Variants in CACTIN observed in about 807,000 individuals in gnomAD.
CACTIN encodes splicing factor Cactin.
Under a neutral mutation model 84.9 loss-of-function variants are expected in CACTIN, and 20 were observed. The ratio of observed to expected loss-of-function variants is 0.24; its 90% CI spans 0.17 to 0.34. The LOEUF (loss-of-function observed/expected upper bound fraction) is 0.34, where lower values mean the gene tolerates loss of function less well. Ranked by LOEUF, CACTIN falls within the 10% of genes least tolerant of loss-of-function variation. The pLI is 1.00. For missense variants in CACTIN, 897 were observed against 1,117.2 expected (o/e 0.80, Z 2.81); for synonymous variants, 549 against 467.9 (o/e 1.17, Z -2.24).
intron 6 of CACTIN, chr19:3,614,852 G>T (rs2074792): frequency 0.51 from 275,075 of 536,914 alleles, 73,814 homozygotes; most frequent in Admixed American, 0.58. Flanking sequence ...CCCCAGCGTG[G>T]GGGAGGCCAG....
intron 2 of CACTIN, among the ~76,000 whole-genome samples, chr19:3,621,935 C>T (rs1389995633): frequency 1.3e-5 from 2 of 152,152 alleles, no homozygotes; most frequent in Non-Finnish European, 2.9e-5. Context: ...GCGCAACCGG[C>T]GAGCAGGTGC....
Position 3,611,801 on chromosome 19 carries a change from C to G in CACTIN, c.*122G>C. The G allele has an allele frequency of 8.0e-7, 1 of 1,244,944 alleles. No homozygotes were observed. The highest frequency in any genetic ancestry group is 1.1e-6 in the Non-Finnish European group (1 of 880,274). The allele number at this position is 1,244,944 out of a possible 1,614,324, so 77.1% of individuals were successfully genotyped here. ...AGGCCTGGCGAAAGAAAGATGCGGC[C>G]TGAGGTGGGACGTGAACCCGCGGCC... is the stretch of plus-strand genomic sequence containing the variant. On this transcript the variant is annotated 3_prime_UTR_variant, in exon 10 of 10. Coordinates refer to ENST00000429344, the MANE Select transcript of CACTIN (RefSeq NM_001080543.2).
At chr19:3,613,915 G>A in intron 7 of CACTIN, 1 of 453,450 alleles carries the variant, frequency 2.2e-6, no homozygotes. Context: ...GATAAATTTA[G>A]AGACATTTAC....
intron 2 of CACTIN, among the ~76,000 whole-genome samples, chr19:3,622,761 G>A (rs991218412): frequency 6.6e-6 from 1 of 152,250 alleles, no homozygotes; most frequent in African/African-American, 2.4e-5. Flanking sequence ...GTGACTGGTG[G>A]CTAAATGGCA....
At chr19:3,612,934 G>C in intron 9 of CACTIN, 124 bp downstream of exon 9, 1 of 1,186,242 alleles carries the variant, frequency 8.4e-7, no homozygotes, top group Non-Finnish European at 1.2e-6. Context: ...CAGAGACCCG[G>C]GGGAGAAGCA....
chr19:3,620,045 G>T, intron 4 of CACTIN, 82 bp downstream of exon 4: 1 of 1,519,872 alleles, frequency 6.6e-7, no homozygotes, highest in South Asian at 1.2e-5. Flanking sequence ...AAGGGTGGGA[G>T]AGCAGTGGCT....
At chr19:3,612,435 CCCGGGCCTCGGCCTCCCCCTGGGT>C (rs1426753909) in intron 9 of CACTIN, 22 bp from the exon 10 acceptor site, 1 of 1,557,468 alleles carries the variant, frequency 6.4e-7, no homozygotes, top group Non-Finnish European at 8.6e-7. Context: ...ACGGCGTTCA[CCCGGGCCTCGGCCTCCCCCTGGGT>C]CCTGGCCTCC....
intron 1 of CACTIN, among the ~76,000 whole-genome samples, chr19:3,625,121 G>A (rs546024182): frequency 1.3e-5 from 2 of 152,170 alleles, no homozygotes; most frequent in African/African-American, 2.4e-5. Context: ...TGAACTCCTG[G>A]GCTCAGGCAA....
chr19:3,620,248 C>T lies in CACTIN; in HGVS notation c.763G>A (p.Glu255Lys). The T allele has an allele frequency of 6.3e-7, 1 of 1,579,870 alleles. No individual in the cohort carries two copies. Among genetic ancestry groups the T allele is most frequent in the Non-Finnish European group, 8.6e-7 (1 of 1,168,040 alleles). Reference sequence around the variant, plus strand: ...TGCTCGCGCATGGCCTTCTCCCGCTCCCGCTCCAGCCGCAGCTGCTTCACC... The same window carrying T: ...TGCTCGCGCATGGCCTTCTCCCGCTTCCGCTCCAGCCGCAGCTGCTTCACC... The part of the protein sequence containing the change: ...QKVKQLRLER[E>K]REKAMREQEL... The change falls in exon 4 of 10, where the codon GAG (glutamate) becomes AAG (lysine). Residue 255 changes from glutamate (E) to lysine (K), a missense_variant. By Grantham distance (56) the Glu-to-Lys change is moderately conservative (BLOSUM62 1). Around this residue, in one of 8 missense-constraint regions of CACTIN, gnomAD observed 304 missense variants for 444.3 expected, o/e 0.68. Coordinates refer to ENST00000429344, the MANE Select transcript of CACTIN (RefSeq NM_001080543.2).
Position 3,618,930 on chromosome 19 carries a change from G to T in CACTIN, c.1107C>A (p.Ile369=). The T allele has an allele frequency of 6.4e-7, 1 of 1,560,522 alleles. No homozygotes were observed. ...NADFWRDMTT[I]TEDEISKLRK... is the part of the protein sequence containing the mutation. ...GGAGCTTGGAGATCTCGTCCTCGGTGATGGTGGTCATGTCCCGCCAGAAGT... is the reference window on the plus strand; with the variant it reads ...GGAGCTTGGAGATCTCGTCCTCGGTTATGGTGGTCATGTCCCGCCAGAAGT... The change falls in exon 6 of 10, where the codon ATC becomes ATA. Residue 369 remains isoleucine (I), a synonymous_variant. Coordinates refer to ENST00000429344, the MANE Select transcript of CACTIN (RefSeq NM_001080543.2).
intron 7 of CACTIN, among the ~76,000 whole-genome samples, chr19:3,614,136 GCC>G (rs1158860715): frequency 6.6e-6 from 1 of 152,158 alleles, no homozygotes; most frequent in African/African-American, 2.4e-5. Context: ...CTCCTGGGGA[GCC>G]CTGTGAGACC....
At position 3,613,251 on chromosome 19, in the gene CACTIN, A is replaced by ACCGTCCCCGTCG; in HGVS notation, c.1581_1592dup (p.Asp528_Gly531dup). ...CCGCCTCGCCCTCGCCCTCGCCCTC[A>ACCGTCCCCGTCG]CCGTCCCCGTCGCCGTCGCCCTCTG... On this transcript the variant is annotated inframe_insertion, in exon 9 of 10. Transcript: ENST00000429344. 6.3e-7 allele frequency: 1 copy of ACCGTCCCCGTCG among 1,583,118 alleles called. No homozygotes were observed. The highest frequency in any genetic ancestry group is 2.2e-5 in the East Asian group (1 of 44,648).
In CACTIN at chr19:3,611,767, A is replaced by G. The variant is rs2369188; in HGVS notation, c.*156T>C. Reference sequence around the variant, plus strand: ...AATGGTGACCCCCCTTTTATATAGGAGGAAACTGAGGCCTGGCGAAAGAAA... The same window carrying G: ...AATGGTGACCCCCCTTTTATATAGGGGGAAACTGAGGCCTGGCGAAAGAAA... On this transcript the variant is annotated 3_prime_UTR_variant, in exon 10 of 10. Transcript: ENST00000429344. 0.63 allele frequency: 590,415 copies of G among 939,938 alleles called. 187,626 individuals are homozygous for G. Among genetic ancestry groups the G allele is most frequent in the African/African-American group, 0.8 (49,202 of 61,806 alleles). The allele number at this position is 939,938 out of a possible 1,614,324, so 58.2% of individuals were successfully genotyped here.
At chr19:3,620,377 G>A in intron 3 of CACTIN, 105 bp from the exon 4 acceptor site, 1 of 1,302,692 alleles carries the variant, frequency 7.7e-7, no homozygotes, top group Non-Finnish European at 1.1e-6. Context: ...GCTGCCCTGG[G>A]CACAGGGATT....
Position 3,613,242 on chromosome 19 carries a change from C to G in CACTIN, c.1602G>C (p.Glu534Asp). 6.2e-7 allele frequency: 1 copy of G among 1,610,734 alleles called. No homozygotes were observed. The highest frequency in any genetic ancestry group is 2.2e-5 in the East Asian group (1 of 44,832). The change falls in exon 9 of 10, where the codon GAG becomes GAC. Residue 534 changes from glutamate (E) to aspartate (D), a missense_variant. This residue lies in a region of CACTIN where 243 missense variants were observed against 239.9 expected (regional missense o/e 1.01). Coordinates refer to ENST00000429344, the MANE Select transcript of CACTIN (RefSeq NM_001080543.2). Reference protein sequence around the residue: ...EGDGDGDGEGEGEGEAVLMEE... With the variant: ...EGDGDGDGEGDGEGEAVLMEE... ...CCATGAGCACCGCCTCGCCCTCGCCCTCGCCCTCACCGTCCCCGTCGCCGT... is the reference window on the plus strand; with the variant it reads ...CCATGAGCACCGCCTCGCCCTCGCCGTCGCCCTCACCGTCCCCGTCGCCGT...
At position 3,613,353 on chromosome 19, in the gene CACTIN, C is replaced by G; in HGVS notation, c.1491G>C (p.Glu497Asp). The change falls in exon 9 of 10, where the codon GAG (glutamate) becomes GAC (aspartate). Residue 497 changes from glutamate to aspartate, a missense_variant. By Grantham distance (45) the Glu-to-Asp change is conservative. Transcript: ENST00000429344. ...PQSPSRSLEP[E>D]DAAPTPPGPS... ...GCCCGGGCGGGGTGGGCGCCGCGTCCTCAGGCTCCAGGCTGGGAGGAGAGA... is the reference window on the plus strand; with the variant it reads ...GCCCGGGCGGGGTGGGCGCCGCGTCGTCAGGCTCCAGGCTGGGAGGAGAGA... 1 of 1,512,722 alleles carries G rather than the reference C, an allele frequency of 6.6e-7. No homozygotes were observed. Among genetic ancestry groups the G allele is most frequent in the Non-Finnish European group, 8.8e-7 (1 of 1,136,168 alleles). 93.7% of individuals were successfully genotyped at this position (1,512,722 alleles called of 1,614,324 possible).
At chr19:3,619,048 AG>A in intron 5 of CACTIN, 31 bp downstream of exon 5, 1 of 1,549,408 alleles carries the variant, frequency 6.5e-7, no homozygotes, top group Non-Finnish European at 8.7e-7. Flanking sequence ...GTGAGGGTGC[AG>A]GTCAGAGGAG....
chr19:3,619,432 C>T (rs992529401), intron 4 of CACTIN, among the ~76,000 whole-genome samples, 190 bp from the exon 5 acceptor site: 18 of 152,262 alleles, frequency 1.2e-4, no homozygotes, highest in Non-Finnish European at 1.6e-4. Context: ...AGCCAAAGGG[C>T]GCAGGCCAGC....
chr19:3,613,280 G>C lies in CACTIN; in HGVS notation c.1564C>G (p.Pro522Ala). 1 of 1,604,712 alleles carries C rather than the reference G, an allele frequency of 6.2e-7. No homozygotes were observed. Among genetic ancestry groups the C allele is most frequent in the South Asian group, 1.1e-5 (1 of 90,898 alleles). Reference protein sequence around the residue: ...PAEAEVDGATPTEGDGDGDGE... With the variant: ...PAEAEVDGATATEGDGDGDGE... Reference sequence around the variant, plus strand: ...TCCCCGTCGCCGTCGCCCTCTGTCGGGGTCGCGCCGTCCACCTCGGCCTCC... The same window carrying C: ...TCCCCGTCGCCGTCGCCCTCTGTCGCGGTCGCGCCGTCCACCTCGGCCTCC... Residue 522 changes from proline (P) to alanine (A), a missense_variant, in exon 9 of 10, where the codon CCG becomes GCG. By Grantham distance (27) the Pro-to-Ala change is conservative. Transcript: ENST00000429344.
Sources: gnomAD v4.1 joint callset for allele counts (sites outside exome capture counted in the v4.1 genomes callset) on GRCh38, gnomAD v4.1.1 for gene constraint, gnomAD v4.1.1 regional missense constraint, MANE v1.5 for transcripts, NCBI Gene and HGNC (gene_info 2026-07-23, HGNC 2026-07-21) for gene names.